GPNMB: variants seen among roughly 807,000 people sequenced by gnomAD.
GPNMB encodes the protein glycoprotein nmb.
A neutral mutation model predicts 57.3 loss-of-function variants in GPNMB; 71 were observed. The observed-to-expected ratio is 1.24, with a 90% CI of 1.02 to 1.51. The LOEUF is 1.51. Among genes scored for constraint, GPNMB ranks in the 40% most tolerant of loss-of-function variants. GPNMB has a pLI of 0.00. For synonymous variants in GPNMB, 253 were observed against 263.2 expected (o/e 0.96, Z 0.38); for missense variants, 677 against 691.9 (o/e 0.98, Z 0.24).
intron 1 of GPNMB, among the ~76,000 whole-genome samples, chr7:23,248,417 T>C (rs1782586159): frequency 6.6e-6 from 1 of 152,012 alleles, no homozygotes. Context: ...TCGAGAGGAG[T>C]CCTCAGCCTC....
chr7:23,254,163 C>T lies in GPNMB; in HGVS notation c.224-6C>T. On this transcript the variant is annotated splice_region_variant and splice_polypyrimidine_tract_variant and intron_variant, in intron 2 of 10. Coordinates refer to ENST00000258733, the MANE Select transcript of GPNMB (RefSeq NM_002510.3). ...GATCATCGAGCCCCACTTTTTTATA[C>T]CCTAGGAGGCCGTGTGCAGGCGGTC... 1.2e-6 allele frequency: 2 copies of T among 1,608,588 alleles called. No homozygotes were observed. Among genetic ancestry groups the T allele is most frequent in the Non-Finnish European group, 1.7e-6 (2 of 1,177,880 alleles).
At position 23,267,992 on chromosome 7, in the gene GPNMB, A is replaced by C. The variant is rs371531481; in HGVS notation, c.1220+4A>C. 1.3e-6 allele frequency: 2 copies of C among 1,578,224 alleles called. No homozygotes were observed. The highest frequency in any genetic ancestry group is 1.7e-6 in the Non-Finnish European group (2 of 1,156,562). The stretch of plus-strand genomic sequence containing the variant: ...TTGTCGTGACCTGCCAAGGGAGGTG[A>C]GTATATTATCTCCGACAGAGGCATG... On this transcript the variant is annotated splice_donor_region_variant and intron_variant, in intron 8 of 10. Transcript: ENST00000258733.
At chr7:23,259,800 G>C (rs1342708285) in intron 4 of GPNMB, among the ~76,000 whole-genome samples, 180 bp from the exon 5 acceptor site, 1 of 152,120 alleles carries the variant, frequency 6.6e-6, no homozygotes, top group African/African-American at 2.4e-5. Flanking sequence ...CTGTGGGTTT[G>C]TTTTATAAGA....
intron 3 of GPNMB, among the ~76,000 whole-genome samples, chr7:23,256,639 A>G (rs1456893502): frequency 6.6e-6 from 1 of 152,246 alleles, no homozygotes; most frequent in Non-Finnish European, 1.5e-5. Context: ...AATACATTAA[A>G]TGATATCTCT....
intron 6 of GPNMB, among the ~76,000 whole-genome samples, chr7:23,261,610 A>G (rs1782926115): frequency 6.6e-6 from 1 of 152,024 alleles, no homozygotes. Flanking sequence ...GGCGGGGAAC[A>G]TCACACACCA....
intron 3 of GPNMB, among the ~76,000 whole-genome samples, chr7:23,255,248 ACC>A (rs2128481651): frequency 6.6e-6 from 1 of 151,876 alleles, no homozygotes; most frequent in South Asian, 2.1e-4. Flanking sequence ...CAAACATTTG[ACC>A]TCGTGGTCCG....
chr7:23,270,235 T>C, intron 9 of GPNMB, 60 bp downstream of exon 9: 10 of 1,139,422 alleles, frequency 8.8e-6, no homozygotes, highest in South Asian at 6.6e-5. Flanking sequence ...GTGTATCCCA[T>C]ACTAAAGCTA....
chr7:23,271,865 A>T (rs1783215114), intron 9 of GPNMB, among the ~76,000 whole-genome samples: 1 of 152,248 alleles, frequency 6.6e-6, no homozygotes, highest in Non-Finnish European at 1.5e-5. Flanking sequence ...GGCAGTTTTA[A>T]TCCCATTAAA....
intron 9 of GPNMB, among the ~76,000 whole-genome samples, chr7:23,272,001 T>A (rs1583840798): frequency 6.6e-6 from 1 of 152,230 alleles, no homozygotes; most frequent in East Asian, 1.9e-4. Context: ...GTGCCCTGCT[T>A]CCTGCCCAGG....
intron 4 of GPNMB, chr7:23,257,394 C>T (rs945375901): frequency 2.7e-5 from 13 of 477,540 alleles, no homozygotes; most frequent in East Asian, 1.5e-4. Context: ...ACATGGAGAC[C>T]GGGCATGTGG....
intron 4 of GPNMB, chr7:23,257,302 T>A: frequency 1.7e-6 from 1 of 589,462 alleles, no homozygotes; most frequent in Non-Finnish European, 3.0e-6. Context: ...TAAGCTCTTT[T>A]TCAAAAAAAC....
chr7:23,273,764 G>A, intron 10 of GPNMB, 150 bp downstream of exon 10: 1 of 606,422 alleles, frequency 1.6e-6, no homozygotes, highest in East Asian at 2.9e-5. Context: ...ATACCAAACT[G>A]GCCTGTTAAT....
chr7:23,253,483 ACACC>A, intron 2 of GPNMB, 24 bp downstream of exon 2: 1 of 1,599,462 alleles, frequency 6.3e-7, no homozygotes, highest in South Asian at 1.1e-5. Context: ...TTCAAACCAA[ACACC>A]TGCAATTTCC....
intron 9 of GPNMB, chr7:23,273,130 G>A (rs1200118459): frequency 8.0e-5 from 13 of 163,156 alleles, no homozygotes; most frequent in Non-Finnish European, 1.1e-4. Context: ...GTCTGAAAGA[G>A]CACGGGGAGT....
At chr7:23,250,844 C>T (rs1481579439) in intron 1 of GPNMB, 2 of 152,142 alleles carry the variant, frequency 1.3e-5, no homozygotes, top group Non-Finnish European at 2.9e-5. Context: ...ATCTTGATTT[C>T]TACTAAAGAT....
chr7:23,268,116 A>ACC, intron 8 of GPNMB, 128 bp downstream of exon 8: 1 of 652,648 alleles, frequency 1.5e-6, no homozygotes. Flanking sequence ...ATTCCTATTT[A>ACC]CTGGTAACCC....
At position 23,256,975 on chromosome 7, in the gene GPNMB, A is replaced by C. The variant is rs1343110009; in HGVS notation, c.451A>C (p.Ser151Arg). The C allele has an allele frequency of 6.2e-7, 1 of 1,614,104 alleles. No homozygotes were observed. Among genetic ancestry groups the C allele is most frequent in the Admixed American group, 1.7e-5 (1 of 60,032 alleles). ...TGACGGGGAAAATGGCACCGGCCAA[A>C]GCCATCATAACGTCTTCCCTGATGG... ...DSDGENGTGQ[S>R]HHNVFPDGKP... is the part of the protein sequence containing the mutation. Residue 151 changes from serine to arginine, a missense_variant, in exon 4 of 11, where the codon AGC becomes CGC. By Grantham distance (110) the Ser-to-Arg change is moderately radical (BLOSUM62 -1). Coordinates refer to ENST00000258733, the MANE Select transcript of GPNMB (RefSeq NM_002510.3).
At chr7:23,263,992 T>C (rs945451932) in intron 6 of GPNMB, among the ~76,000 whole-genome samples, 1 of 152,100 alleles carries the variant, frequency 6.6e-6, no homozygotes, top group African/African-American at 2.4e-5. Flanking sequence ...GGTAGATGTG[T>C]TTAAATCTGA....
intron 2 of GPNMB, 104 bp from the exon 3 acceptor site, chr7:23,254,065 G>T: frequency 1.2e-6 from 1 of 861,324 alleles, no homozygotes; most frequent in African/African-American, 1.7e-5. Context: ...ATTATAAAGA[G>T]GCATATGGGT....
Sources: gnomAD v4.1 joint callset for allele counts (sites outside exome capture counted in the v4.1 genomes callset) on GRCh38, gnomAD v4.1.1 for gene constraint, MANE v1.5 for transcripts, NCBI Gene and HGNC (gene_info 2026-07-23, HGNC 2026-07-21) for gene names.